Variants in RRM2 observed in about 807,000 individuals in gnomAD.
The protein encoded by RRM2 is ribonucleoside-diphosphate reductase subunit M2.
In RRM2, 6 loss-of-function variants were observed where a neutral mutation model predicts 45.9. The ratio of observed to expected loss-of-function variants is 0.13; its 90% CI spans 0.07 to 0.26. The LOEUF is 0.26. Ranked by LOEUF, RRM2 falls within the 10% of genes least tolerant of loss-of-function variation. RRM2 has a pLI of 1.00. For missense variants in RRM2, 343 were observed against 489.5 expected (o/e 0.70, Z 2.82); for synonymous variants, 177 against 173.0 (o/e 1.02, Z -0.18).
At chr2:10,187,070 C>G (rs113558831) in intron 3 of RRM2, among the ~76,000 whole-genome samples, 5 of 152,234 alleles carry the variant, frequency 3.3e-5, no homozygotes, top group African/African-American at 4.8e-5. Context: ...GGGCCTTTGC[C>G]CAGCCTCCTG....
At chr2:10,207,562 C>G (rs1664686569) in intron 3 of RRM2, among the ~76,000 whole-genome samples, 1 of 152,200 alleles carries the variant, frequency 6.6e-6, no homozygotes, top group African/African-American at 2.4e-5. Flanking sequence ...TCTCTGGACT[C>G]TTTTGGCCCC....
At chr2:10,203,333 C>T (rs1268120948) in intron 3 of RRM2, among the ~76,000 whole-genome samples, 2 of 152,238 alleles carry the variant, frequency 1.3e-5, no homozygotes, top group Non-Finnish European at 2.9e-5. Flanking sequence ...CTGCCACCCA[C>T]TAGCTGTGTG....
Position 10,172,630 on chromosome 2 carries a change from G to A in RRM2, n.482+30255G>A, listed in dbSNP as rs564741419. ...CTCCGCATGGCATTAGAGAACATTCGCCTCCTGCTGGGTCGGCCCCTTCGC... is the reference window on the plus strand; with the variant it reads ...CTCCGCATGGCATTAGAGAACATTCACCTCCTGCTGGGTCGGCCCCTTCGC... On this transcript the variant is annotated intron_variant and non_coding_transcript_variant, in intron 3 of 3. Coordinates refer to the RRM2 transcript ENST00000381786. This position sits in a 1 kb window ranked among gnomAD's most constrained non-coding sequence, Gnocchi z 4.9. Among the ~76,000 whole-genome samples, 11 of 152,166 alleles carry A rather than the reference G, an allele frequency of 7.2e-5. No individual in the cohort carries two copies. In the South Asian group the frequency reaches 2.1e-3, roughly 29 times the overall value.
At chr2:10,137,357 AC>A (rs557467166), upstream of RRM2, among the ~76,000 whole-genome samples, 185 of 152,152 alleles carry the variant, frequency 1.2e-3, 1 homozygote, top group African/African-American at 4.3e-3. Flanking sequence ...TCCTAAAACC[AC>A]CAGCTGGCCA....
At chr2:10,146,640 G>A (rs1425834700) in intron 3 of RRM2, among the ~76,000 whole-genome samples, 1 of 96,832 alleles carries the variant, frequency 1.0e-5, no homozygotes, top group Non-Finnish European at 2.3e-5. Flanking sequence ...GCTGCAGGTG[G>A]GCCATGCTTG....
intron 3 of RRM2, among the ~76,000 whole-genome samples, chr2:10,183,361 G>A (rs1488970906): frequency 6.6e-6 from 1 of 152,216 alleles, no homozygotes; most frequent in African/African-American, 2.4e-5. Context: ...CCGAGCCTCT[G>A]GGACACTGGA....
rs1474723377 is a variant in RRM2, at chr2:10,169,933, C to T, written n.482+27558C>T. Among the ~76,000 whole-genome samples, 3 of 152,152 alleles carry T rather than the reference C, an allele frequency of 2.0e-5. No homozygotes were observed. The highest frequency in any genetic ancestry group is 1.3e-4 in the Admixed American group (2 of 15,280). On this transcript the variant is annotated intron_variant and non_coding_transcript_variant, in intron 3 of 3. Transcript: ENST00000381786. This position sits in a 1 kb window ranked among gnomAD's most constrained non-coding sequence, Gnocchi z 5.1. ...GGGCCTGGGAGGCCTTGGCTGGCAT[C>T]CCGTTTACATAGCGAGTGGCCCCAC...
chr2:10,193,849 A>T (rs1179019568), intron 3 of RRM2, among the ~76,000 whole-genome samples: 1 of 152,208 alleles, frequency 6.6e-6, no homozygotes, highest in Non-Finnish European at 1.5e-5. Flanking sequence ...TGCAGAGCCA[A>T]AACCCAAGCT....
intron 3 of RRM2, chr2:10,155,092 T>C (rs1474007523): frequency 1.7e-5 from 4 of 235,164 alleles, no homozygotes; most frequent in Admixed American, 5.6e-5. Flanking sequence ...TCCAACTGAA[T>C]TGGCCACTGA....
chr2:10,123,135 C>G, intron 2 of RRM2, 78 bp downstream of exon 2: 2 of 1,449,016 alleles, frequency 1.4e-6, no homozygotes, highest in Non-Finnish European at 1.8e-6. Context: ...GTTTCCTCAG[C>G]TGTTCACACT....
At chr2:10,203,867 C>G (rs1275835046) in intron 3 of RRM2, among the ~76,000 whole-genome samples, 1 of 152,042 alleles carries the variant, frequency 6.6e-6, no homozygotes, top group Non-Finnish European at 1.5e-5. Context: ...CTCTCAGGCT[C>G]TTTCTCCAGA....
Position 10,169,809 on chromosome 2 carries a change from C to A in RRM2, n.482+27434C>A. Among the ~76,000 whole-genome samples, 1 of 152,132 alleles carries A rather than the reference C, an allele frequency of 6.6e-6. No individual in the cohort carries two copies. Among genetic ancestry groups the A allele is most frequent in the Admixed American group, 6.6e-5 (1 of 15,254 alleles). The stretch of plus-strand genomic sequence containing the variant: ...TGAGGCCAGGGGGGATGGCAGCCCC[C>A]GGGGATCTGAGGAAGTCTGGGAGCT... On this transcript the variant is annotated intron_variant and non_coding_transcript_variant, in intron 3 of 3. Transcript: ENST00000381786. This position sits in a 1 kb window ranked among gnomAD's most constrained non-coding sequence, Gnocchi z 5.1.
intron 3 of RRM2, among the ~76,000 whole-genome samples, chr2:10,164,042 GAA>G (rs1663628623): frequency 6.6e-6 from 1 of 152,014 alleles, no homozygotes; most frequent in South Asian, 2.1e-4. Context: ...GTGTGAGTGT[GAA>G]TATGTGTGTG....
rs1041106480 is a variant in RRM2 at position 10,169,538 on chromosome 2, C to T, written n.482+27163C>T. ...ACAGAGACTGTAAGAGATGCAAAGC[C>T]AGGACGGTGAGGGTGAGCTGGGGTT... On this transcript the variant is annotated intron_variant and non_coding_transcript_variant, in intron 3 of 3. Transcript: ENST00000381786. This position sits in a 1 kb window ranked among gnomAD's most constrained non-coding sequence, Gnocchi z 5.1. Among the ~76,000 whole-genome samples the T allele has an allele frequency of 6.6e-6, 1 of 152,104 alleles. No homozygotes were observed. Among genetic ancestry groups the T allele is most frequent in the African/African-American group, 2.4e-5 (1 of 41,418 alleles).
intron 3 of RRM2, among the ~76,000 whole-genome samples, chr2:10,147,273 G>T (rs1317962855): frequency 6.6e-6 from 1 of 151,552 alleles, no homozygotes; most frequent in East Asian, 1.9e-4. Context: ...TTAAAGATAA[G>T]GGTTTTTTTT....
At chr2:10,150,066 C>T (rs1663273625) in intron 3 of RRM2, among the ~76,000 whole-genome samples, 1 of 152,282 alleles carries the variant, frequency 6.6e-6, no homozygotes, top group Non-Finnish European at 1.5e-5. Context: ...GTAATCCCAG[C>T]ACTTTTGGAG....
chr2:10,157,628 A>G (rs1043269719), intron 3 of RRM2, among the ~76,000 whole-genome samples: 1 of 152,138 alleles, frequency 6.6e-6, no homozygotes, highest in African/African-American at 2.4e-5. Flanking sequence ...TTGACTCAAC[A>G]TTATGCTTGT....
chr2:10,163,007 A>T (rs1663600486), intron 3 of RRM2, among the ~76,000 whole-genome samples: 1 of 152,146 alleles, frequency 6.6e-6, no homozygotes, highest in South Asian at 2.1e-4. Context: ...CCACTCCTGC[A>T]CGCAGGGCCC....
At chr2:10,173,480 G>T (rs1465321324) in intron 3 of RRM2, among the ~76,000 whole-genome samples, 3 of 152,062 alleles carry the variant, frequency 2.0e-5, no homozygotes, top group Non-Finnish European at 4.4e-5. Context: ...CAGCACCCCC[G>T]CAAACCTCCG....
Sources: allele counts gnomAD v4.1 joint callset (sites outside exome capture counted in the v4.1 genomes callset), GRCh38; gene constraint gnomAD v4.1.1; non-coding constraint Gnocchi (gnomAD v3.1); transcripts MANE v1.5; gene names NCBI Gene and HGNC (gene_info 2026-07-23, HGNC 2026-07-21).